Variants in GMDS observed in about 807,000 individuals in gnomAD.
GMDS encodes the protein GDP-mannose 4,6-dehydratase, also known as GDP-mannose 4,6 dehydratase.
In GMDS, 20 loss-of-function variants were observed where a neutral mutation model predicts 49.9. The ratio of observed to expected loss-of-function variants is 0.40; its 90% CI spans 0.28 to 0.58. The LOEUF is 0.58. GMDS is among the 20% of genes least tolerant of loss of function. The pLI is 0.42. For missense variants in GMDS, 362 were observed against 481.4 expected (o/e 0.75, Z 2.32); for synonymous variants, 177 against 178.6 (o/e 0.99, Z 0.07).
At chr6:2,059,354 C>T (rs1365878566) in intron 4 of GMDS, among the ~76,000 whole-genome samples, 1 of 151,780 alleles carries the variant, frequency 6.6e-6, no homozygotes. Flanking sequence ...GCCTACAGAG[C>T]TCATTATCAT....
rs1301596157 is a variant in GMDS, at chr6:1,836,958, A to G, written c.771+93145T>C. Among the ~76,000 whole-genome samples, 1 of 152,242 alleles carries G rather than the reference A, an allele frequency of 6.6e-6. No homozygotes were observed. The highest frequency in any genetic ancestry group is 1.5e-5 in the Non-Finnish European group (1 of 68,036). On this transcript the variant is annotated intron_variant, in intron 7 of 10. Transcript: ENST00000380815. This position sits in a 1 kb window ranked among gnomAD's most constrained non-coding sequence, Gnocchi z 4.2. ...ACTTTGTTTTAAGTTTACAATAGAG[A>G]AAGTTTGGGAAAAGGCTAAAAATTC...
chr6:1,990,740 A>T (rs1316794695), intron 4 of GMDS, among the ~76,000 whole-genome samples: 4 of 27,978 alleles, frequency 1.4e-4, no homozygotes, highest in Admixed American at 6.4e-4. Context: ...ACACCCAGCT[A>T]ATTTTTTTTT....
At chr6:2,057,695 G>A (rs549594082) in intron 4 of GMDS, among the ~76,000 whole-genome samples, 1 of 152,278 alleles carries the variant, frequency 6.6e-6, no homozygotes, top group Admixed American at 6.5e-5. Flanking sequence ...AATAAATGCA[G>A]GGAGGTATGG....
At chr6:1,772,376 GA>G (rs1216089803) in intron 7 of GMDS, among the ~76,000 whole-genome samples, 2 of 152,102 alleles carry the variant, frequency 1.3e-5, no homozygotes, top group African/African-American at 2.4e-5. Context: ...AATCCCCAGA[GA>G]AAAACATGGC....
chr6:1,831,695 C>T (rs1271145626), intron 7 of GMDS, among the ~76,000 whole-genome samples: 3 of 152,080 alleles, frequency 2.0e-5, no homozygotes, highest in Admixed American at 1.3e-4. Context: ...CTTTAAGCAC[C>T]TGTAGGGATT....
At chr6:1,665,790 A>G (rs1764216337) in intron 9 of GMDS, among the ~76,000 whole-genome samples, 1 of 152,172 alleles carries the variant, frequency 6.6e-6, no homozygotes, top group Non-Finnish European at 1.5e-5. Flanking sequence ...CCCTAGAAAA[A>G]CAGGGTCTGT....
At chr6:1,751,426 A>C (rs1767726028) in intron 7 of GMDS, among the ~76,000 whole-genome samples, 1 of 152,222 alleles carries the variant, frequency 6.6e-6, no homozygotes, top group African/African-American at 2.4e-5. Flanking sequence ...GATACCAAAA[A>C]AAACTGGGTC....
chr6:1,644,766 T>C (rs899366990), intron 9 of GMDS, among the ~76,000 whole-genome samples: 1 of 152,122 alleles, frequency 6.6e-6, no homozygotes, highest in Non-Finnish European at 1.5e-5. Context: ...CTTGCACCTG[T>C]ACTGTGAGCC....
intron 6 of GMDS, among the ~76,000 whole-genome samples, chr6:1,948,746 T>C (rs1240142558): frequency 1.3e-5 from 2 of 152,258 alleles, no homozygotes; most frequent in Admixed American, 1.3e-4. Context: ...AAGCCTTTCA[T>C]TCATCATCGT....
chr6:1,823,573 C>G (rs1034750812), intron 7 of GMDS, among the ~76,000 whole-genome samples: 2 of 152,162 alleles, frequency 1.3e-5, no homozygotes, highest in Admixed American at 1.3e-4. Flanking sequence ...TCCTACCCCC[C>G]ACCACTGCCC....
chr6:1,693,041 A>G (rs889458023), intron 9 of GMDS, among the ~76,000 whole-genome samples: 3 of 152,214 alleles, frequency 2.0e-5, no homozygotes, highest in Non-Finnish European at 4.4e-5. Context: ...ACTTGGAAGC[A>G]GCGGTACTTT....
intron 1 of GMDS, among the ~76,000 whole-genome samples, chr6:2,145,517 G>A (rs528426499): frequency 4.9e-4 from 73 of 149,806 alleles, no homozygotes; most frequent in East Asian, 4.0e-4. Context: ...CAACCTGGGC[G>A]ACAGAGTGAG....
chr6:1,686,821 G>C (rs950014856), intron 9 of GMDS, among the ~76,000 whole-genome samples: 14 of 152,184 alleles, frequency 9.2e-5, no homozygotes, highest in Non-Finnish European at 7.3e-5. Flanking sequence ...CATTCACTCT[G>C]AGGTACTGGT....
chr6:1,992,257 C>T (rs137962274), intron 4 of GMDS, among the ~76,000 whole-genome samples: 4 of 152,148 alleles, frequency 2.6e-5, no homozygotes, highest in South Asian at 4.1e-4. Context: ...GGGCACTCTG[C>T]GAGCCTCTCC....
chr6:1,971,021 T>G, intron 4 of GMDS, among the ~76,000 whole-genome samples: 1 of 151,452 alleles, frequency 6.6e-6, no homozygotes, highest in African/African-American at 2.4e-5. Flanking sequence ...GAGTGGGGGT[T>G]TGGAAAGGTG....
At chr6:2,120,348 T>C (rs1231446225) in intron 2 of GMDS, among the ~76,000 whole-genome samples, 1 of 152,138 alleles carries the variant, frequency 6.6e-6, no homozygotes, top group Non-Finnish European at 1.5e-5. Flanking sequence ...TTAGCCTTTT[T>C]TTTAATCAAA....
At chr6:1,664,496 A>AT (rs1436398315) in intron 9 of GMDS, among the ~76,000 whole-genome samples, 1 of 152,206 alleles carries the variant, frequency 6.6e-6, no homozygotes, top group South Asian at 2.1e-4. Context: ...CGTGAGATGA[A>AT]TGAGTGTCCT....
At chr6:2,177,077 C>T (rs777780767) in intron 1 of GMDS, among the ~76,000 whole-genome samples, 6 of 152,034 alleles carry the variant, frequency 3.9e-5, no homozygotes, top group South Asian at 2.1e-4. Flanking sequence ...GTACCAAGAA[C>T]GCAGTTGGAA....
chr6:2,139,540 C>A (rs1776180856), intron 1 of GMDS, among the ~76,000 whole-genome samples: 1 of 152,178 alleles, frequency 6.6e-6, no homozygotes, highest in African/African-American at 2.4e-5. Flanking sequence ...CGATGAGAGG[C>A]TGTGTTCATG....
Sources: gnomAD v4.1 joint callset for allele counts (sites outside exome capture counted in the v4.1 genomes callset) on GRCh38, gnomAD v4.1.1 for gene constraint, Gnocchi (gnomAD v3.1) non-coding constraint, MANE v1.5 for transcripts, NCBI Gene and HGNC (gene_info 2026-07-23, HGNC 2026-07-21) for gene names.